The following PTDSS1 variants were observed in gnomAD, a reference collection of about 807,000 sequenced individuals.
PTDSS1 encodes the protein phosphatidylserine synthase 1.
PTDSS1 carries 45 observed loss-of-function variants against 70.5 expected under a neutral mutation model. The observed-to-expected ratio is 0.64, with a 90% CI of 0.50 to 0.82. The LOEUF (loss-of-function observed/expected upper bound fraction) is 0.82, where lower values mean the gene tolerates loss of function less well. Among genes scored for constraint, PTDSS1 ranks in the 40% least tolerant of loss-of-function variants. The pLI, the probability that PTDSS1 is intolerant of heterozygous loss-of-function variation, is 0.00. For synonymous variants in PTDSS1, 188 were observed against 203.8 expected (o/e 0.92, Z 0.66); for missense variants, 417 against 586.1 (o/e 0.71, Z 2.98).
chr8:96,318,088 GC>G (rs1811321801), intron 9 of PTDSS1, among the ~76,000 whole-genome samples: 1 of 152,114 alleles, frequency 6.6e-6, no homozygotes, highest in Admixed American at 6.5e-5. Context: ...ACTTTGGGAG[GC>G]TGAGGTGGGT....
chr8:96,276,954 G>C (rs184855475), intron 2 of PTDSS1, among the ~76,000 whole-genome samples: 1 of 144,290 alleles, frequency 6.9e-6, no homozygotes, highest in Non-Finnish European at 1.5e-5. Context: ...TTCTCCTCCC[G>C]GGCACATACA....
chr8:96,270,273 G>T (rs550445601), intron 1 of PTDSS1, among the ~76,000 whole-genome samples: 8 of 152,228 alleles, frequency 5.3e-5, no homozygotes, highest in African/African-American at 1.7e-4. Context: ...GCTGTCCATG[G>T]ATACTAGATC....
At chr8:96,270,669 T>C (rs967168435) in intron 1 of PTDSS1, among the ~76,000 whole-genome samples, 2 of 152,206 alleles carry the variant, frequency 1.3e-5, no homozygotes, top group Admixed American at 1.3e-4. Flanking sequence ...ATTGCAGAAG[T>C]TTGATCTTCC....
intron 9 of PTDSS1, among the ~76,000 whole-genome samples, chr8:96,313,352 G>A (rs948595202): frequency 1.3e-5 from 2 of 152,140 alleles, no homozygotes; most frequent in East Asian, 1.9e-4. Context: ...TGGAAAGGTC[G>A]GCTGTTTCTC....
chr8:96,263,377 C>T (rs1467860890), intron 1 of PTDSS1, among the ~76,000 whole-genome samples: 1 of 151,840 alleles, frequency 6.6e-6, no homozygotes, highest in African/African-American at 2.4e-5. Context: ...GCTTAAAAGG[C>T]CAACTTAGAG....
intron 3 of PTDSS1, among the ~76,000 whole-genome samples, chr8:96,286,607 G>C (rs569299200): frequency 6.6e-6 from 1 of 152,168 alleles, no homozygotes; most frequent in Non-Finnish European, 1.5e-5. Flanking sequence ...TTTAAGCCCT[G>C]ATGGTCACTT....
rs114821109 is a variant in PTDSS1, at chr8:96,312,277, G to A, written c.1073+2655G>A. ...ACTAGCCTGGGTAACATAGCGAGACGTTGTCTCCACAAAAAGTTTTTTAAG... is the reference window on the plus strand; with the variant it reads ...ACTAGCCTGGGTAACATAGCGAGACATTGTCTCCACAAAAAGTTTTTTAAG... On this transcript the variant is annotated intron_variant, in intron 9 of 12. Transcript: ENST00000517309. Among the ~76,000 whole-genome samples, 740 of 152,214 alleles carry A rather than the reference G, an allele frequency of 4.9e-3. 9 individuals carry two copies. The highest frequency in any genetic ancestry group is 0.016 in the African/African-American group (674 of 41,536).
chr8:96,275,061 A>G (rs1241924505), intron 2 of PTDSS1, among the ~76,000 whole-genome samples: 2 of 152,178 alleles, frequency 1.3e-5, no homozygotes, highest in East Asian at 1.9e-4. Context: ...GTAGTGCACA[A>G]TTATCACGGT....
chr8:96,310,869 G>A (rs554016691), intron 9 of PTDSS1, among the ~76,000 whole-genome samples: 76 of 151,856 alleles, frequency 5.0e-4, no homozygotes, highest in Admixed American at 3.5e-3. Flanking sequence ...AGGTTCAAGC[G>A]ATTCTCCTGC....
rs530185745 is a variant in PTDSS1, at chr8:96,297,996, A to C, written c.601-1698A>C. ...TCACCCCCAGAACCTGGTACCTTCC[A>C]GGAAAGTTCCTTAGGCTGGAGGATG... On this transcript the variant is annotated intron_variant, in intron 5 of 12. Transcript: ENST00000517309. Among the ~76,000 whole-genome samples, 3 of 152,340 alleles carry C rather than the reference A, an allele frequency of 2.0e-5. No individual in the cohort carries two copies. In the East Asian group the frequency reaches 5.8e-4, roughly 29 times the overall value.
At chr8:96,317,180 C>T (rs1811306804) in intron 9 of PTDSS1, among the ~76,000 whole-genome samples, 1 of 151,846 alleles carries the variant, frequency 6.6e-6, no homozygotes, top group Non-Finnish European at 1.5e-5. Flanking sequence ...CTACGGGTGG[C>T]CTTCCAGGTC....
intron 8 of PTDSS1, among the ~76,000 whole-genome samples, chr8:96,308,451 T>C (rs971460629): frequency 1.3e-5 from 2 of 152,204 alleles, no homozygotes; most frequent in African/African-American, 4.8e-5. Flanking sequence ...TGCCTTTCTT[T>C]CATCAAATCC....
chr8:96,271,258 C>T (rs1810562224), intron 1 of PTDSS1, among the ~76,000 whole-genome samples: 1 of 152,208 alleles, frequency 6.6e-6, no homozygotes, highest in African/African-American at 2.4e-5. Flanking sequence ...TACCCATACA[C>T]ATTCCCCACC....
intron 1 of PTDSS1, 102 bp from the exon 2 acceptor site, chr8:96,273,197 A>T (rs1185972309): frequency 1.4e-6 from 1 of 731,308 alleles, no homozygotes; most frequent in Non-Finnish European, 2.2e-6. Flanking sequence ...CCTGTCATAC[A>T]TCTGGCAGTC....
At chr8:96,300,000 G>A (rs568627570) in intron 6 of PTDSS1, among the ~76,000 whole-genome samples, 155 bp downstream of exon 6, 15 of 152,244 alleles carry the variant, frequency 9.9e-5, no homozygotes, top group African/African-American at 3.6e-4. Context: ...CTGATTTCAA[G>A]CATTTGTCCA....
intron 2 of PTDSS1, among the ~76,000 whole-genome samples, chr8:96,278,314 G>A (rs1438493773): frequency 6.6e-6 from 1 of 152,176 alleles, no homozygotes; most frequent in East Asian, 1.9e-4. Flanking sequence ...GAATGACAGG[G>A]GACTAGGATT....
chr8:96,277,677 G>A (rs144738945), intron 2 of PTDSS1, among the ~76,000 whole-genome samples: 3 of 152,294 alleles, frequency 2.0e-5, no homozygotes, highest in Non-Finnish European at 4.4e-5. Flanking sequence ...TGCCCTGCAC[G>A]GCTGTGTATA....
chr8:96,271,495 T>C (rs773820036), intron 1 of PTDSS1, among the ~76,000 whole-genome samples: 3 of 152,230 alleles, frequency 2.0e-5, no homozygotes, highest in African/African-American at 4.8e-5. Context: ...ATACATGTAA[T>C]GCCATGTGAA....
intron 11 of PTDSS1, chr8:96,330,501 CT>C: frequency 1.1e-5 from 6 of 529,980 alleles, no homozygotes; most frequent in Non-Finnish European, 2.0e-5. Context: ...TTTTGTCTAA[CT>C]TTTGTTAGAT....
Sources: allele counts gnomAD v4.1 joint callset (sites outside exome capture counted in the v4.1 genomes callset), GRCh38; gene constraint gnomAD v4.1.1; transcripts MANE v1.5; gene names NCBI Gene and HGNC (gene_info 2026-07-23, HGNC 2026-07-21).